The following CDIN1 variants were observed in gnomAD, a reference collection of about 807,000 sequenced individuals.
CDIN1 encodes the protein CDAN1 interacting nuclease 1.
In CDIN1, 33 loss-of-function variants were observed where a neutral mutation model predicts 45.3. The ratio of observed to expected loss-of-function variants is 0.73; its 90% CI spans 0.55 to 0.97. The LOEUF is 0.97. Ranked by LOEUF, CDIN1 falls within the 50% of genes least tolerant of loss-of-function variation. The pLI is 0.00. For synonymous variants in CDIN1, 118 were observed against 124.4 expected (o/e 0.95, Z 0.34); for missense variants, 303 against 339.4 (o/e 0.89, Z 0.84).
chr15:36,709,998 A>G (rs763268792), intron 10 of CDIN1, 37 bp downstream of exon 10: 1 of 1,462,578 alleles, frequency 6.8e-7, no homozygotes, highest in Non-Finnish European at 9.4e-7. Context: ...GATAAACGAT[A>G]CTCAGCTGAA....
intron 10 of CDIN1, among the ~76,000 whole-genome samples, chr15:36,771,195 A>T (rs1335039385): frequency 6.6e-6 from 1 of 152,192 alleles, no homozygotes; most frequent in Middle Eastern, 3.4e-3. Flanking sequence ...TATATATTGT[A>T]TACCCCAAGG....
intron 5 of CDIN1, among the ~76,000 whole-genome samples, chr15:36,671,548 G>A (rs1462077583): frequency 1.3e-5 from 2 of 151,712 alleles, no homozygotes; most frequent in Non-Finnish European, 2.9e-5. Context: ...TCTTTTGGCT[G>A]AATTGGGTTA....
At chr15:36,631,045 G>A (rs555596318) in intron 1 of CDIN1, among the ~76,000 whole-genome samples, 37 of 152,226 alleles carry the variant, frequency 2.4e-4, no homozygotes, top group African/African-American at 8.4e-4. Context: ...AAACTATAGC[G>A]GATGCCTACC....
chr15:36,766,968 T>C (rs2053940921), intron 10 of CDIN1, among the ~76,000 whole-genome samples: 2 of 152,346 alleles, frequency 1.3e-5, no homozygotes, highest in South Asian at 2.1e-4. Flanking sequence ...ATTTTTGCTT[T>C]TGTTACCTGT....
At chr15:36,718,859 A>G (rs2043309993) in intron 10 of CDIN1, among the ~76,000 whole-genome samples, 1 of 132,168 alleles carries the variant, frequency 7.6e-6, no homozygotes, top group African/African-American at 2.9e-5. Context: ...ACAAAAGTGA[A>G]TGGTAAGAAT....
At chr15:36,596,808 C>CA (rs1490082383) in intron 1 of CDIN1, among the ~76,000 whole-genome samples, 8 of 151,296 alleles carry the variant, frequency 5.3e-5, no homozygotes, top group Non-Finnish European at 1.0e-4. Context: ...ACAACAACAA[C>CA]AAAAAAAACC....
intron 1 of CDIN1, among the ~76,000 whole-genome samples, chr15:36,595,622 G>A (rs1252921432): frequency 7.1e-6 from 1 of 140,994 alleles, no homozygotes; most frequent in Non-Finnish European, 1.6e-5. Flanking sequence ...TCTTTTAATC[G>A]AGCCTGCAAA....
At chr15:36,667,947 T>A (rs1470223441) in intron 5 of CDIN1, among the ~76,000 whole-genome samples, 1 of 152,166 alleles carries the variant, frequency 6.6e-6, no homozygotes, top group East Asian at 1.9e-4. Flanking sequence ...GTTGGCCTCT[T>A]GGATTATAGT....
At chr15:36,607,461 T>C (rs1033124840) in intron 1 of CDIN1, among the ~76,000 whole-genome samples, 4 of 152,188 alleles carry the variant, frequency 2.6e-5, no homozygotes, top group African/African-American at 9.6e-5. Flanking sequence ...TGATACAATA[T>C]GTAAAATATA....
intron 1 of CDIN1, among the ~76,000 whole-genome samples, chr15:36,585,105 A>G (rs748937041): frequency 1.3e-5 from 2 of 152,140 alleles, no homozygotes; most frequent in Non-Finnish European, 2.9e-5. Flanking sequence ...TCCTGCCCAA[A>G]CACTACATAT....
intron 5 of CDIN1, among the ~76,000 whole-genome samples, chr15:36,660,577 G>T (rs1400810210): frequency 1.3e-5 from 2 of 152,056 alleles, no homozygotes; most frequent in African/African-American, 4.8e-5. Flanking sequence ...TTTCTCACGC[G>T]ATAATTTTTA....
At chr15:36,748,807 A>G (rs2053371074) in intron 10 of CDIN1, among the ~76,000 whole-genome samples, 2 of 152,122 alleles carry the variant, frequency 1.3e-5, no homozygotes, top group African/African-American at 4.8e-5. Context: ...CCAACCACAG[A>G]CTTGTAAAGT....
At chr15:36,695,484 A>G (rs1351366118) in intron 7 of CDIN1, among the ~76,000 whole-genome samples, 1 of 152,110 alleles carries the variant, frequency 6.6e-6, no homozygotes, top group Admixed American at 6.6e-5. Context: ...TGATTTCATT[A>G]TTTACCAGCC....
At chr15:36,585,590 G>T (rs2037258695) in intron 1 of CDIN1, among the ~76,000 whole-genome samples, 1 of 152,152 alleles carries the variant, frequency 6.6e-6, no homozygotes, top group Non-Finnish European at 1.5e-5. Context: ...CAGGGTCTGT[G>T]ACTTCATATG....
chr15:36,751,229 T>TTATATATATATA (rs10557235), intron 10 of CDIN1, among the ~76,000 whole-genome samples: 3,216 of 97,100 alleles, frequency 0.033, 152 homozygotes, highest in African/African-American at 0.063. Context: ...TATGCTTATT[T>TTATATATATATA]TATATATATA....
chr15:36,721,520 G>A (rs57072362), intron 10 of CDIN1, among the ~76,000 whole-genome samples: 4 of 151,894 alleles, frequency 2.6e-5, no homozygotes. Context: ...TTAATTGCAT[G>A]GAGATCAGAG....
At chr15:36,769,986 CAT>C (rs2054027249) in intron 10 of CDIN1, among the ~76,000 whole-genome samples, 1 of 152,184 alleles carries the variant, frequency 6.6e-6, no homozygotes, top group Non-Finnish European at 1.5e-5. Flanking sequence ...GATGTCAAGA[CAT>C]AACCCATTTT....
At chr15:36,642,922 G>C (rs577528490) in intron 1 of CDIN1, among the ~76,000 whole-genome samples, 2 of 152,098 alleles carry the variant, frequency 1.3e-5, no homozygotes, top group Non-Finnish European at 2.9e-5. Context: ...ACAAAGATTT[G>C]GGCTTCATTT....
intron 10 of CDIN1, among the ~76,000 whole-genome samples, chr15:36,786,015 T>C (rs897518005): frequency 6.6e-6 from 1 of 152,222 alleles, no homozygotes; most frequent in Admixed American, 6.5e-5. Context: ...ATAACCCATT[T>C]TGTTGTAATA....
Sources: gnomAD v4.1 joint callset for allele counts (sites outside exome capture counted in the v4.1 genomes callset) on GRCh38, gnomAD v4.1.1 for gene constraint, MANE v1.5 for transcripts, NCBI Gene and HGNC (gene_info 2026-07-23, HGNC 2026-07-21) for gene names.